FBRSL1: variants seen among roughly 807,000 people sequenced by gnomAD.
The protein encoded by FBRSL1 is fibrosin-1-like protein.
In FBRSL1, 51 loss-of-function variants were observed where a neutral mutation model predicts 89.6. That is an observed-to-expected ratio of 0.57 (90% CI 0.45 to 0.72). The LOEUF is 0.72. FBRSL1 is among the 30% of genes least tolerant of loss of function. FBRSL1 has a pLI of 0.00. For missense variants in FBRSL1, 1,618 were observed against 1,451.8 expected, an observed-to-expected ratio of 1.11 and a Z score of -1.86; for synonymous variants, 779 against 681.1, an observed-to-expected ratio of 1.14 and a Z score of -2.24.
intron 2 of FBRSL1, among the ~76,000 whole-genome samples, chr12:132,513,770 A>G (rs2034582217): frequency 6.6e-6 from 1 of 152,044 alleles, no homozygotes. Context: ...TGACACTGAG[A>G]CTGTGGCGGT....
intron 1 of FBRSL1, among the ~76,000 whole-genome samples, chr12:132,504,775 C>T (rs1424883275): frequency 3.3e-5 from 5 of 152,178 alleles, no homozygotes; most frequent in Non-Finnish European, 7.4e-5. Flanking sequence ...CTTGTGTCTT[C>T]ATTCGACACT....
intron 1 of FBRSL1, among the ~76,000 whole-genome samples, chr12:132,498,754 A>G (rs2032479943): frequency 6.6e-6 from 1 of 151,884 alleles, no homozygotes; most frequent in South Asian, 2.1e-4. Flanking sequence ...CCACCAACCT[A>G]TTCTAGGGGA....
At chr12:132,526,762 C>G (rs543110286) in intron 3 of FBRSL1, among the ~76,000 whole-genome samples, 2 of 152,268 alleles carry the variant, frequency 1.3e-5, no homozygotes, top group East Asian at 3.9e-4. Flanking sequence ...ATCTGCCCCC[C>G]ACTCCTCAGG....
intron 4 of FBRSL1, among the ~76,000 whole-genome samples, chr12:132,539,253 A>T (rs1043682893): frequency 1.3e-5 from 2 of 152,006 alleles, no homozygotes; most frequent in African/African-American, 4.8e-5. Flanking sequence ...TCAGGGTCAG[A>T]GAGGGAGGAG....
chr12:132,550,403 C>T (rs748889102), intron 5 of FBRSL1, among the ~76,000 whole-genome samples: 6 of 152,286 alleles, frequency 3.9e-5, no homozygotes, highest in African/African-American at 7.2e-5. Context: ...TGAGCGCCGG[C>T]GCACAAAGCG....
chr12:132,544,059 C>T (rs2037482858), intron 4 of FBRSL1, among the ~76,000 whole-genome samples: 1 of 152,176 alleles, frequency 6.6e-6, no homozygotes, highest in Non-Finnish European at 1.5e-5. Flanking sequence ...AGGAACAGAG[C>T]CCAGTGGTTC....
chr12:132,523,261 G>A (rs1357728272), intron 2 of FBRSL1, among the ~76,000 whole-genome samples: 61 of 152,190 alleles, frequency 4.0e-4, no homozygotes, highest in Non-Finnish European at 1.5e-5. Context: ...GGTCCTGCCT[G>A]GGGACAGAGT....
chr12:132,564,502 G>GTT (rs1416555184), intron 5 of FBRSL1, among the ~76,000 whole-genome samples: 3 of 95,270 alleles, frequency 3.1e-5, no homozygotes, highest in South Asian at 2.9e-4. Context: ...GCCCTCCAAG[G>GTT]TTTTTTTTTT....
At chr12:132,524,526 C>T (rs1244210655) in intron 2 of FBRSL1, among the ~76,000 whole-genome samples, 1 of 152,244 alleles carries the variant, frequency 6.6e-6, no homozygotes, top group African/African-American at 2.4e-5. Context: ...GAGCCAGGCT[C>T]ATGGCTGCAG....
chr12:132,494,128 C>T (rs978364662), intron 1 of FBRSL1, among the ~76,000 whole-genome samples: 4 of 152,274 alleles, frequency 2.6e-5, no homozygotes, highest in African/African-American at 7.2e-5. Context: ...GAGGAAGCCC[C>T]GCTGGCCTCT....
chr12:132,509,251 G>A, intron 2 of FBRSL1: 1 of 1,253,672 alleles, frequency 8.0e-7, no homozygotes, highest in Non-Finnish European at 9.9e-7. Flanking sequence ...CTCCAGCCCA[G>A]CCAGTCCAGC....
In FBRSL1 at chr12:132,570,342, A is replaced by G. The variant is rs1005468615; in HGVS notation, c.1015A>G (p.Ser339Gly). 37 of 1,531,132 alleles carry G rather than the reference A, an allele frequency of 2.4e-5. No homozygotes were observed. The highest frequency in any genetic ancestry group is 3.1e-5 in the Non-Finnish European group (36 of 1,144,190). 94.8% of individuals were successfully genotyped at this position (1,531,132 alleles called of 1,614,324 possible). The stretch of plus-strand genomic sequence containing the variant: ...GAGCCCCGTGTCCCGCAGCAGGAGC[A>G]GCAGCGCCCCCCTGGGCCTGGGGAA... The part of the protein sequence containing the change: ...ANGLHGLSRS[S>G]SAPLGLGKHV... The change falls in exon 8 of 19, where the codon AGC (serine) becomes GGC (glycine). Residue 339 changes from serine to glycine, a missense_variant. Physicochemically the swap from Ser to Gly is moderately conservative, Grantham distance 56 (BLOSUM62 0). Coordinates refer to ENST00000680143, the MANE Select transcript of FBRSL1 (RefSeq NM_001367871.1).
At chr12:132,580,700 T>C (rs1165692141) in intron 15 of FBRSL1, 2 of 888,714 alleles carry the variant, frequency 2.3e-6, no homozygotes, top group Non-Finnish European at 2.7e-6. Flanking sequence ...GCGTCCTACA[T>C]GGGAGGCATG....
Position 132,581,523 on chromosome 12 carries a change from GTCTC to G in FBRSL1, c.1912+9_1912+12del, listed in dbSNP as rs1397819822. 1.3e-6 allele frequency: 2 copies of G among 1,550,614 alleles called. No individual in the cohort carries two copies. Among genetic ancestry groups the G allele is most frequent in the African/African-American group, 2.7e-5 (2 of 73,056 alleles). On this transcript the variant is annotated splice_region_variant and intron_variant, in intron 16 of 18. Transcript: ENST00000680143. ...CCCACTGGCCCCCTGACAGGTGGGT[GTCTC>G]TGAATTCAGCCCACGCAGCCTGGCT...
intron 15 of FBRSL1, among the ~76,000 whole-genome samples, chr12:132,578,571 C>T (rs1375492566): frequency 6.6e-6 from 1 of 152,092 alleles, no homozygotes; most frequent in Non-Finnish European, 1.5e-5. Flanking sequence ...TGCATGCACA[C>T]GTACATACCC....
intron 4 of FBRSL1, among the ~76,000 whole-genome samples, chr12:132,544,150 G>T (rs2037488834): frequency 6.6e-6 from 1 of 152,206 alleles, no homozygotes; most frequent in Admixed American, 6.5e-5. Context: ...GGTTTAAGTG[G>T]TCTAGGGGCC....
intron 2 of FBRSL1, among the ~76,000 whole-genome samples, chr12:132,515,410 A>G (rs529041386): frequency 6.6e-6 from 1 of 152,300 alleles, no homozygotes; most frequent in East Asian, 1.9e-4. Context: ...ACTAGAAAAT[A>G]AGGAATACTA....
chr12:132,492,764 G>T (rs1044209732), intron 1 of FBRSL1, among the ~76,000 whole-genome samples: 4 of 152,248 alleles, frequency 2.6e-5, no homozygotes, highest in Non-Finnish European at 1.5e-5. Context: ...CGTTAACACA[G>T]CCACAGCACC....
At chr12:132,540,034 C>T (rs1358876302) in intron 4 of FBRSL1, among the ~76,000 whole-genome samples, 2 of 8,270 alleles carry the variant, frequency 2.4e-4, no homozygotes, top group African/African-American at 1.4e-3. Context: ...CCCTCCAGCC[C>T]GATGCCCACC....
Sources: gnomAD v4.1 joint callset for allele counts (sites outside exome capture counted in the v4.1 genomes callset) on GRCh38, gnomAD v4.1.1 for gene constraint, MANE v1.5 for transcripts, NCBI Gene and HGNC (gene_info 2026-07-23, HGNC 2026-07-21) for gene names.